Variants in LINGO2 observed in about 807,000 individuals in gnomAD.
LINGO2 encodes the protein leucine-rich repeat and immunoglobulin-like domain-containing nogo receptor-interacting protein 2.
A neutral mutation model predicts 30.6 loss-of-function variants in LINGO2; 14 were observed. That is an observed-to-expected ratio of 0.46 (90% CI 0.30 to 0.72). The LOEUF (loss-of-function observed/expected upper bound fraction) is 0.72. Among genes scored for constraint, LINGO2 ranks in the 30% least tolerant of loss-of-function variants. LINGO2 has a pLI of 0.07. For synonymous variants in LINGO2, 317 were observed against 288.5 expected (o/e 1.10, Z -1.00); for missense variants, 729 against 751.7 (o/e 0.97, Z 0.35).
the LINGO2 span, among the ~76,000 whole-genome samples, chr9:29,199,927 G>C: frequency 1.3e-5 from 2 of 151,612 alleles, no homozygotes; most frequent in Non-Finnish European, 2.9e-5. Context: ...ATGGTAAACA[G>C]GAAAAAAGTA....
At chr9:28,333,876 G>A (rs962527926) in intron 3 of LINGO2, among the ~76,000 whole-genome samples, 6 of 152,050 alleles carry the variant, frequency 3.9e-5, no homozygotes, top group South Asian at 2.1e-4. Flanking sequence ...TTTGAAAAGC[G>A]CAAAGGAAAT....
the LINGO2 span, among the ~76,000 whole-genome samples, chr9:29,190,047 G>GGGAGAC: frequency 2.4e-4 from 33 of 139,664 alleles, no homozygotes; most frequent in Non-Finnish European, 9.3e-5. Flanking sequence ...GAGAGGGAGA[G>GGGAGAC]GGAGGGGGAG....
At chr9:28,282,327 A>AGACAATGATAAGTAATGGTGG (rs1823356418) in intron 4 of LINGO2, among the ~76,000 whole-genome samples, 1 of 152,086 alleles carries the variant, frequency 6.6e-6, no homozygotes, top group Non-Finnish European at 1.5e-5. Context: ...AGTAATGGTG[A>AGACAATGATAAGTAATGGTGG]GACAATGATA....
At chr9:29,206,304 T>A in the LINGO2 span, among the ~76,000 whole-genome samples, 1 of 152,318 alleles carries the variant, frequency 6.6e-6, no homozygotes, top group Middle Eastern at 3.4e-3. Context: ...TAATTTAATA[T>A]ATATCCAAGT....
At chr9:28,325,643 C>T (rs1380168240) in intron 3 of LINGO2, among the ~76,000 whole-genome samples, 1 of 152,224 alleles carries the variant, frequency 6.6e-6, no homozygotes, top group African/African-American at 2.4e-5. Flanking sequence ...CATTCTGTCT[C>T]GTCTGTCACC....
chr9:28,465,493 T>G (rs1421450945), intron 2 of LINGO2, among the ~76,000 whole-genome samples: 2 of 152,146 alleles, frequency 1.3e-5, no homozygotes, highest in Non-Finnish European at 2.9e-5. Flanking sequence ...AGGCAACATT[T>G]GGTTGGGAAA....
chr9:28,125,829 A>C (rs758860768), intron 4 of LINGO2, among the ~76,000 whole-genome samples: 9 of 152,220 alleles, frequency 5.9e-5, no homozygotes, highest in Non-Finnish European at 1.0e-4. Context: ...CAGAACAGCT[A>C]CTTTCAAATC....
the LINGO2 span, among the ~76,000 whole-genome samples, chr9:29,001,508 G>C: frequency 6.6e-6 from 1 of 151,946 alleles, no homozygotes; most frequent in Non-Finnish European, 1.5e-5. Flanking sequence ...ACCTCAATAT[G>C]AGATTTAATA....
chr9:27,949,611 T>C (rs759411279), exon 6 of LINGO2: 2 of 1,613,966 alleles, frequency 1.2e-6, no homozygotes, highest in African/African-American at 1.3e-5. Flanking sequence ...CAGAGGGTTG[T>C]TGTTAATGCT....
At chr9:27,990,849 A>T (rs1156965866) in intron 5 of LINGO2, among the ~76,000 whole-genome samples, 1 of 152,048 alleles carries the variant, frequency 6.6e-6, no homozygotes, top group Non-Finnish European at 1.5e-5. Flanking sequence ...TCATGAAAAC[A>T]GGGATCCCAC....
the LINGO2 span, among the ~76,000 whole-genome samples, chr9:28,707,113 A>G: frequency 6.6e-6 from 1 of 152,092 alleles, no homozygotes; most frequent in Non-Finnish European, 1.5e-5. Context: ...ACATGTGGTA[A>G]CCGCTTTTGC....
At chr9:29,197,018 A>G in the LINGO2 span, among the ~76,000 whole-genome samples, 1 of 152,148 alleles carries the variant, frequency 6.6e-6, no homozygotes, top group East Asian at 1.9e-4. Flanking sequence ...TTCTGCCTCA[A>G]GTCCATTTAA....
At chr9:27,965,208 T>G (rs1820040049) in intron 5 of LINGO2, among the ~76,000 whole-genome samples, 1 of 152,088 alleles carries the variant, frequency 6.6e-6, no homozygotes. Flanking sequence ...GATGAGTCAT[T>G]TGCCTAATGT....
the LINGO2 span, among the ~76,000 whole-genome samples, chr9:29,003,224 G>A: frequency 1.3e-5 from 2 of 152,020 alleles, no homozygotes; most frequent in African/African-American, 4.8e-5. Context: ...AATCTCTGTT[G>A]TTTTAAGTCA....
At chr9:28,633,768 T>C (rs1827112934) in intron 1 of LINGO2, among the ~76,000 whole-genome samples, 1 of 152,232 alleles carries the variant, frequency 6.6e-6, no homozygotes, top group South Asian at 2.1e-4. Flanking sequence ...ACATCTCACC[T>C]AGGAACTTAA....
the LINGO2 span, among the ~76,000 whole-genome samples, chr9:29,187,706 C>T: frequency 6.6e-6 from 1 of 151,716 alleles, no homozygotes; most frequent in African/African-American, 2.4e-5. Context: ...AAAATTAATC[C>T]TATCTCATTT....
At chr9:28,920,338 C>T in the LINGO2 span, among the ~76,000 whole-genome samples, 1 of 151,792 alleles carries the variant, frequency 6.6e-6, no homozygotes, top group Non-Finnish European at 1.5e-5. Flanking sequence ...AGAAGCTCAG[C>T]TTTGCTATTA....
At chr9:29,094,057 C>T in the LINGO2 span, among the ~76,000 whole-genome samples, 1 of 138,658 alleles carries the variant, frequency 7.2e-6, no homozygotes, top group Non-Finnish European at 1.6e-5. Flanking sequence ...CATCTATATA[C>T]TCTAGTTTCT....
At chr9:28,460,729 G>C (rs750863511) in intron 2 of LINGO2, among the ~76,000 whole-genome samples, 1 of 152,030 alleles carries the variant, frequency 6.6e-6, no homozygotes, top group Non-Finnish European at 1.5e-5. Flanking sequence ...TTCCTCTACT[G>C]TGCAGGTATT....
Sources: allele counts gnomAD v4.1 joint callset (sites outside exome capture counted in the v4.1 genomes callset), GRCh38; gene constraint gnomAD v4.1.1; transcripts MANE v1.5; gene names NCBI Gene and HGNC (gene_info 2026-07-23, HGNC 2026-07-21).